FER1L6: variants seen among roughly 807,000 people sequenced by gnomAD.
FER1L6 encodes fer-1-like protein 6.
In FER1L6, 177 loss-of-function variants were observed where a neutral mutation model predicts 219.2. The observed-to-expected ratio is 0.81, with a 90% CI of 0.71 to 0.91. FER1L6 has a LOEUF of 0.91. FER1L6 is among the 40% of genes least tolerant of loss of function. The pLI is 0.00. For synonymous variants in FER1L6, 768 were observed against 824.3 expected (o/e 0.93, Z 1.17); for missense variants, 2,153 against 2,259.9 (o/e 0.95, Z 0.96).
In FER1L6 at chr8:124,062,574, TTC is replaced by T. The variant is rs1820634935; in HGVS notation, c.3328+546_3328+547del. Among the ~76,000 whole-genome samples, 4 of 152,332 alleles carry T rather than the reference TTC, an allele frequency of 2.6e-5. No individual in the cohort carries two copies. In the South Asian group the frequency reaches 6.2e-4, roughly 24 times the overall value. On this transcript the variant is annotated intron_variant, in intron 25 of 40. Coordinates refer to ENST00000522917, the MANE Select transcript of FER1L6 (RefSeq NM_001039112.2). ...TTGTTTTCCTATTCTTTTCACTCAATTCTCTGTTTTAAGCTCTATCCATATTG... is the reference window on the plus strand; with the variant it reads ...TTGTTTTCCTATTCTTTTCACTCAATTCTGTTTTAAGCTCTATCCATATTG...
At chr8:124,010,218 G>T (rs1219899499) in intron 13 of FER1L6, among the ~76,000 whole-genome samples, 2 of 152,146 alleles carry the variant, frequency 1.3e-5, no homozygotes, top group Non-Finnish European at 2.9e-5. Flanking sequence ...GAGAGGTCTT[G>T]TTCTAGTTTG....
At chr8:123,991,593 G>A (rs765181548) in intron 12 of FER1L6, among the ~76,000 whole-genome samples, 5 of 151,896 alleles carry the variant, frequency 3.3e-5, no homozygotes, top group Non-Finnish European at 7.4e-5. Context: ...ATCAAGTCGA[G>A]GAGTCTTTAG....
chr8:124,083,524 G>A (rs1821664106), intron 33 of FER1L6, among the ~76,000 whole-genome samples: 1 of 151,998 alleles, frequency 6.6e-6, no homozygotes, highest in African/African-American at 2.4e-5. Flanking sequence ...TGTTGAAAAT[G>A]AGTTCACTGT....
In FER1L6 at chr8:124,065,388, G is replaced by A. The variant is rs771408514; in HGVS notation, c.3555+815G>A. On this transcript the variant is annotated intron_variant, in intron 26 of 40. Transcript: ENST00000522917. ...TGCATTCCAGTCTGGGCAACAGAGC[G>A]AGCCTCCATCTCAAAAAAAAAAAAA... Among the ~76,000 whole-genome samples, 113 of 128,386 alleles carry A rather than the reference G, an allele frequency of 8.8e-4. 1 individual carries two copies. Among genetic ancestry groups the A allele is most frequent in the Non-Finnish European group, 3.7e-4 (24 of 64,088 alleles). 84.2% of individuals were successfully genotyped at this position (128,386 alleles called of 152,430 possible).
At chr8:123,907,801 T>A in intron 1 of FER1L6, among the ~76,000 whole-genome samples, 2 of 134,838 alleles carry the variant, frequency 1.5e-5, no homozygotes, top group Non-Finnish European at 3.2e-5. Flanking sequence ...TAGGAAGGAG[T>A]TCAAACAATG....
At chr8:123,961,600 A>C (rs1815277792) in intron 2 of FER1L6, among the ~76,000 whole-genome samples, 1 of 152,214 alleles carries the variant, frequency 6.6e-6, no homozygotes, top group Admixed American at 6.5e-5. Context: ...AGAGTAAGAC[A>C]GGAATTCAAA....
Position 124,017,717 on chromosome 8 carries a change from T to C in FER1L6, c.2012T>C (p.Leu671Pro). The change falls in exon 16 of 41, where the codon CTG (leucine) becomes CCG (proline). Residue 671 changes from leucine (L) to proline (P), a missense_variant and splice_region_variant. Coordinates refer to ENST00000522917, the MANE Select transcript of FER1L6 (RefSeq NM_001039112.2). The part of the protein sequence containing the change: ...KKRLTLCWQE[L>P]EAMCKEAKGI... ...CGACTTACGCTCTGCTGGCAGGAGC[T>C]GGTATGTGAAAATCTATTTATACTT... 1.2e-6 allele frequency: 2 copies of C among 1,612,222 alleles called. No individual in the cohort carries two copies. Among genetic ancestry groups the C allele is most frequent in the Non-Finnish European group, 1.7e-6 (2 of 1,178,492 alleles).
At chr8:124,045,649 G>A (rs1311229524) in intron 20 of FER1L6, 118 bp from the exon 21 acceptor site, 2 of 1,103,936 alleles carry the variant, frequency 1.8e-6, no homozygotes, top group African/African-American at 1.5e-5. Flanking sequence ...ATTGAATGGT[G>A]AGCAATCACA....
chr8:123,963,407 T>C lies in FER1L6; in HGVS notation c.197+9T>C. ...GCTTCTCCAAAGAGAAGGTACAGTA[T>C]GGATGCAGGTGGTCAACACACATTT... is the stretch of plus-strand genomic sequence containing the variant. On this transcript the variant is annotated intron_variant, in intron 3 of 40. Transcript: ENST00000522917. 6.2e-7 allele frequency: 1 copy of C among 1,613,764 alleles called. No individual in the cohort carries two copies. The highest frequency in any genetic ancestry group is 8.5e-7 in the Non-Finnish European group (1 of 1,179,708).
chr8:123,952,062 G>A lies in FER1L6; in HGVS notation c.-7-3930G>A, dbSNP rs150376438. On this transcript the variant is annotated intron_variant, in intron 1 of 40. Coordinates refer to ENST00000522917, the MANE Select transcript of FER1L6 (RefSeq NM_001039112.2). ...TTTTCTAATCCTGGCTTTGCCGAGC[G>A]GTGGACATGACATTACATTAGCTAC... is the stretch of plus-strand genomic sequence containing the variant. 4.3e-3 allele frequency among the ~76,000 whole-genome samples: 651 copies of A among 151,378 alleles called. 6 individuals carry two copies. Among genetic ancestry groups the A allele is most frequent in the African/African-American group, 0.015 (608 of 41,480 alleles).
chr8:123,933,056 C>G (rs1813838459), intron 1 of FER1L6, among the ~76,000 whole-genome samples: 2 of 152,210 alleles, frequency 1.3e-5, no homozygotes, highest in Non-Finnish European at 2.9e-5. Flanking sequence ...GTGCCTTCCC[C>G]TGACCCACAC....
At chr8:124,032,024 A>T (rs1477617187) in intron 18 of FER1L6, among the ~76,000 whole-genome samples, 1 of 152,244 alleles carries the variant, frequency 6.6e-6, no homozygotes, top group Non-Finnish European at 1.5e-5. Flanking sequence ...CTTTCACAAG[A>T]CATTAGCTGA....
At chr8:124,000,685 C>G (rs1245673815) in intron 12 of FER1L6, among the ~76,000 whole-genome samples, 1 of 152,172 alleles carries the variant, frequency 6.6e-6, no homozygotes, top group Non-Finnish European at 1.5e-5. Context: ...ATGTAACTCT[C>G]CAAATCTTCT....
At chr8:123,924,987 C>G (rs935322066) in intron 1 of FER1L6, 6 of 152,336 alleles carry the variant, frequency 3.9e-5, no homozygotes, top group African/African-American at 1.4e-4. Flanking sequence ...AGATGTATCT[C>G]AAATTCAATG....
At chr8:124,032,126 T>C (rs1173968274) in intron 18 of FER1L6, among the ~76,000 whole-genome samples, 1 of 152,194 alleles carries the variant, frequency 6.6e-6, no homozygotes, top group Non-Finnish European at 1.5e-5. Flanking sequence ...TTGTTTTACT[T>C]TAAGAAACAC....
At chr8:123,928,480 T>C (rs1813648946) in intron 1 of FER1L6, among the ~76,000 whole-genome samples, 1 of 152,142 alleles carries the variant, frequency 6.6e-6, no homozygotes, top group Non-Finnish European at 1.5e-5. Flanking sequence ...AGGCTTGTTT[T>C]CTTAGGGGAG....
At chr8:123,867,086 A>AT in intron 1 of FER1L6, among the ~76,000 whole-genome samples, 1 of 152,142 alleles carries the variant, frequency 6.6e-6, no homozygotes, top group Admixed American at 6.5e-5. Flanking sequence ...TCATTTGTCT[A>AT]TTTTTATTTT....
chr8:124,074,059 ATTGT>A (rs779095355), intron 31 of FER1L6, among the ~76,000 whole-genome samples: 1 of 152,174 alleles, frequency 6.6e-6, no homozygotes, highest in Non-Finnish European at 1.5e-5. Flanking sequence ...TAAATATGGA[ATTGT>A]TTCTCAGCTT....
intron 1 of FER1L6, among the ~76,000 whole-genome samples, chr8:123,942,790 G>A (rs888481646): frequency 1.4e-4 from 21 of 152,172 alleles, no homozygotes; most frequent in African/African-American, 4.8e-4. Flanking sequence ...TAAATAATGG[G>A]ACACTCACAG....
Sources: allele counts gnomAD v4.1 joint callset (sites outside exome capture counted in the v4.1 genomes callset), GRCh38; gene constraint gnomAD v4.1.1; transcripts MANE v1.5; gene names NCBI Gene and HGNC (gene_info 2026-07-23, HGNC 2026-07-21).